Variants in SESN3 observed in about 807,000 individuals in gnomAD.
SESN3 encodes sestrin 3.
SESN3 carries 21 observed loss-of-function variants against 55.3 expected under a neutral mutation model. The ratio of observed to expected loss-of-function variants is 0.38; its 90% CI spans 0.27 to 0.55. The LOEUF (loss-of-function observed/expected upper bound fraction) is 0.55, where lower values mean the gene tolerates loss of function less well. SESN3 is among the 20% of genes least tolerant of loss of function. SESN3 has a pLI of 0.76. For missense variants in SESN3, 408 were observed against 604.3 expected (o/e 0.68, Z 3.41); for synonymous variants, 181 against 203.1 (o/e 0.89, Z 0.93).
In SESN3 at chr11:95,191,564, AAGTT is replaced by A; in HGVS notation, c.178_181del (p.Asn60PhefsTer19). On this transcript the variant is annotated frameshift_variant, in exon 3 of 10. Coordinates refer to ENST00000536441, the MANE Select transcript of SESN3 (RefSeq NM_144665.4). LOFTEE classifies it high-confidence loss of function. ...GGATGTAGAGTATTCTTCCACAAGA[AAGTT>A]AGTACGTTCATCCACTGTGTTTGCT... 2 of 1,612,824 alleles carry A rather than the reference AAGTT, an allele frequency of 1.2e-6. No individual in the cohort carries two copies. Among genetic ancestry groups the A allele is most frequent in the Non-Finnish European group, 1.7e-6 (2 of 1,179,198 alleles).
chr11:95,231,451 A>C (rs1174429725), upstream of SESN3: 3 of 278,662 alleles, frequency 1.1e-5, no homozygotes, highest in Non-Finnish European at 2.0e-5. Flanking sequence ...GTAGGGTAGC[A>C]GGGAACAGTT....
chr11:95,182,563 G>T (rs1860076424), intron 6 of SESN3, among the ~76,000 whole-genome samples: 1 of 152,216 alleles, frequency 6.6e-6, no homozygotes, highest in South Asian at 2.1e-4. Flanking sequence ...ACCCTAAACT[G>T]ACTGATTCAA....
Position 95,191,608 on chromosome 11 carries a change from A to AC in SESN3, c.145-8dup. ...CTGTGTTTGCTTGGACAACCTTATA[A>AC]CCAAAAAAAACAAAACAAAATGACT... On this transcript the variant is annotated splice_region_variant and splice_polypyrimidine_tract_variant and intron_variant, in intron 2 of 9. Transcript: ENST00000536441. 1 of 1,607,924 alleles carries AC rather than the reference A, an allele frequency of 6.2e-7. No homozygotes were observed. Among genetic ancestry groups the AC allele is most frequent in the East Asian group, 2.3e-5 (1 of 44,154 alleles).
intron 4 of SESN3, among the ~76,000 whole-genome samples, chr11:95,187,847 T>C (rs978887314): frequency 6.6e-6 from 1 of 151,814 alleles, no homozygotes; most frequent in Non-Finnish European, 1.5e-5. Context: ...ATGTCATTTT[T>C]AGTTGTTGTC....
intron 1 of SESN3, among the ~76,000 whole-genome samples, chr11:95,193,787 C>T (rs1860310108): frequency 6.6e-6 from 1 of 152,104 alleles, no homozygotes; most frequent in Admixed American, 6.6e-5. Flanking sequence ...ACACCATAAA[C>T]TTTAAGCCCA....
At chr11:95,185,881 C>G (rs1456987023) in intron 4 of SESN3, among the ~76,000 whole-genome samples, 1 of 151,852 alleles carries the variant, frequency 6.6e-6, no homozygotes, top group African/African-American at 2.4e-5. Context: ...CACAAAATCA[C>G]GAAAAACCCC....
chr11:95,185,021 AC>A (rs913311964), intron 5 of SESN3, among the ~76,000 whole-genome samples: 2 of 152,070 alleles, frequency 1.3e-5, no homozygotes, highest in African/African-American at 4.8e-5. Flanking sequence ...GCCTATGATC[AC>A]TAGAATGCAT....
At chr11:95,227,251 G>A (rs900856987) in intron 1 of SESN3, among the ~76,000 whole-genome samples, 6 of 151,042 alleles carry the variant, frequency 4.0e-5, no homozygotes, top group Admixed American at 6.6e-5. Context: ...GTGCAGTGGC[G>A]TGACCTTGGC....
chr11:95,191,673 C>A, intron 2 of SESN3, 72 bp from the exon 3 acceptor site: 1 of 1,128,516 alleles, frequency 8.9e-7, no homozygotes, highest in Non-Finnish European at 1.3e-6. Context: ...ATAAATTATG[C>A]CACTATTGAA....
chr11:95,196,732 C>T lies in SESN3; in HGVS notation c.79-3210G>A, dbSNP rs554563387. 7.3e-4 allele frequency among the ~76,000 whole-genome samples: 111 copies of T among 152,342 alleles called. 1 individual carries two copies. Among genetic ancestry groups the T allele is most frequent in the Non-Finnish European group, 2.2e-4 (15 of 68,032 alleles). On this transcript the variant is annotated intron_variant, in intron 1 of 9. Coordinates refer to ENST00000536441, the MANE Select transcript of SESN3 (RefSeq NM_144665.4). ...GATGCTCGGCAGCCACATAGGACCA[C>T]GTGTACTCTACAGGACAGCGCAGAC... is the stretch of plus-strand genomic sequence containing the variant.
intron 1 of SESN3, among the ~76,000 whole-genome samples, chr11:95,212,415 T>C (rs191906502): frequency 1.3e-3 from 202 of 152,224 alleles, no homozygotes; most frequent in African/African-American, 4.7e-3. Flanking sequence ...AATCCTAGCA[T>C]ACATATTAAT....
At chr11:95,187,904 C>G (rs1860195545) in intron 4 of SESN3, among the ~76,000 whole-genome samples, 2 of 151,662 alleles carry the variant, frequency 1.3e-5, no homozygotes, top group African/African-American at 4.8e-5. Flanking sequence ...TAGTCACTCT[C>G]TTGTCCCACC....
intron 8 of SESN3, among the ~76,000 whole-genome samples, chr11:95,176,593 G>C (rs932459267): frequency 5.9e-5 from 9 of 152,184 alleles, no homozygotes; most frequent in African/African-American, 2.2e-4. Flanking sequence ...GGTAAATGTA[G>C]TATTGGGAAC....
intron 6 of SESN3, among the ~76,000 whole-genome samples, chr11:95,183,682 A>G (rs1268520186): frequency 1.7e-5 from 1 of 60,566 alleles, no homozygotes; most frequent in African/African-American, 5.6e-5. Flanking sequence ...ACTCTGTCTC[A>G]AAAAAAAAAA....
At chr11:95,202,151 C>T (rs745591129) in intron 1 of SESN3, among the ~76,000 whole-genome samples, 1 of 152,002 alleles carries the variant, frequency 6.6e-6, no homozygotes, top group African/African-American at 2.4e-5. Context: ...TATCTTATTG[C>T]TCCTTTCAGA....
intron 1 of SESN3, among the ~76,000 whole-genome samples, chr11:95,207,101 T>C (rs1015782470): frequency 6.6e-6 from 1 of 152,122 alleles, no homozygotes; most frequent in African/African-American, 2.4e-5. Context: ...TTTTAAGTAC[T>C]GAAAGGACAT....
intron 1 of SESN3, among the ~76,000 whole-genome samples, chr11:95,215,161 A>C (rs777569908): frequency 2.6e-5 from 4 of 151,328 alleles, no homozygotes; most frequent in Non-Finnish European, 5.9e-5. Flanking sequence ...GACTGGTGGT[A>C]CTAAATTCTT....
In SESN3 at chr11:95,175,541, C is replaced by A. The variant is rs547426358; in HGVS notation, c.1349G>T (p.Arg450Leu). 1.2e-6 allele frequency: 2 copies of A among 1,613,806 alleles called. No homozygotes were observed. Among genetic ancestry groups the A allele is most frequent in the Non-Finnish European group, 1.7e-6 (2 of 1,179,770 alleles). Residue 450 changes from arginine (R) to leucine (L), a missense_variant, in exon 9 of 10, where the codon CGC (arginine) becomes CTC (leucine). By Grantham distance (102) the Arg-to-Leu change is moderately radical (BLOSUM62 -2). Transcript: ENST00000536441. ...CTGCCGCCAGTAACTATCATACATG[C>A]GTTTTGTAGTTCTCTCAGGATAGCA... ...VTCYPERTTK[R>L]MYDSYWRQFK...
At chr11:95,222,817 A>G (rs1470054223) in intron 1 of SESN3, among the ~76,000 whole-genome samples, 3 of 152,232 alleles carry the variant, frequency 2.0e-5, no homozygotes, top group Non-Finnish European at 4.4e-5. Context: ...GACAAATAGG[A>G]ATTCTATATG....
Sources: gnomAD v4.1 joint callset for allele counts (sites outside exome capture counted in the v4.1 genomes callset) on GRCh38, gnomAD v4.1.1 for gene constraint, MANE v1.5 for transcripts, NCBI Gene and HGNC (gene_info 2026-07-23, HGNC 2026-07-21) for gene names.